The following TOX4 variants were observed in gnomAD, a reference collection of about 807,000 sequenced individuals.
TOX4 encodes the protein epidermal Langerhans cell protein LCP1.
TOX4 carries 12 observed loss-of-function variants against 61.0 expected under a neutral mutation model. The observed-to-expected ratio is 0.20, with a 90% CI of 0.13 to 0.32. The LOEUF (loss-of-function observed/expected upper bound fraction) is 0.32. Ranked by LOEUF, TOX4 falls within the 10% of genes least tolerant of loss-of-function variation. The pLI, the probability that TOX4 is intolerant of heterozygous loss-of-function variation, is 1.00. For missense variants in TOX4, 499 were observed against 753.3 expected, an observed-to-expected ratio of 0.66 and a Z score of 3.95; for synonymous variants, 268 against 274.8, an observed-to-expected ratio of 0.98 and a Z score of 0.24.
At position 21,492,900 on chromosome 14, in the gene TOX4, AGCT is replaced by A. The variant is rs111748520; in HGVS notation, c.1300_1302del (p.Ala434del). The stretch of plus-strand genomic sequence containing the variant: ...CTCGGTCAGTGTTGCAGGCAGCAGC[AGCT>A]GCTGCTGCTGCTGCTTCTATGCAAC... On this transcript the variant is annotated inframe_deletion, in exon 7 of 9. Transcript: ENST00000448790. The A allele has an allele frequency of 3.9e-5, 63 of 1,604,036 alleles. No homozygotes were observed. The highest frequency in any genetic ancestry group is 3.2e-4 in the Admixed American group (18 of 56,674).
At position 21,491,063 on chromosome 14, in the gene TOX4, G is replaced by C. The variant is rs541691997; in HGVS notation, c.811-1233G>C. ...TGGTGCCAAACTCCTGACCTCAGGT[G>C]ATCCGCCTGCCTTGTCCTCCCAACG... On this transcript the variant is annotated intron_variant, in intron 5 of 8. Transcript: ENST00000448790. Among the ~76,000 whole-genome samples, 4 of 152,380 alleles carry C rather than the reference G, an allele frequency of 2.6e-5. No homozygotes were observed. In the South Asian group the frequency reaches 8.3e-4, roughly 32 times the overall value.
chr14:21,482,630 C>T, intron 2 of TOX4: 1 of 458,530 alleles, frequency 2.2e-6, no homozygotes, highest in Non-Finnish European at 4.5e-6. Context: ...ATATCATGTT[C>T]CTGTTTTCTC....
intron 7 of TOX4, among the ~76,000 whole-genome samples, chr14:21,493,933 T>C (rs1463462972): frequency 8.6e-5 from 13 of 152,046 alleles, no homozygotes; most frequent in Admixed American, 8.5e-4. Flanking sequence ...GTATTTTTAT[T>C]AGAGACAGAG....
chr14:21,499,157 T>C lies in TOX4; in HGVS notation c.*2551T>C, dbSNP rs1188390859. The C allele has an allele frequency of 1.2e-6, 2 of 1,603,578 alleles. No homozygotes were observed. On this transcript the variant is annotated 3_prime_UTR_variant, in exon 9 of 9. Transcript: ENST00000448790. ...ACGAACCTAGGAAATAAAAACTAGC[T>C]GCTTTTTAAGTTACACAAGATTGCA...
In TOX4 at chr14:21,493,128, G is replaced by C; in HGVS notation, c.1512G>C (p.Gln504His). The change falls in exon 7 of 9, where the codon CAG becomes CAC. Residue 504 changes from glutamine to histidine, a missense_variant. Gln to His is a conservative substitution (Grantham distance 24, BLOSUM62 0). Around this residue, in one of 7 missense-constraint regions of TOX4, gnomAD observed 296 missense variants for 404.7 expected, o/e 0.73. Transcript: ENST00000448790. ...KSVPLPTLKM[Q>H]TTLVPPTVES... is the part of the protein sequence containing the mutation. ...TGCCTCTACCCACTTTGAAAATGCA[G>C]ACTACCTTAGTCCCACCAACTGTGG... The C allele has an allele frequency of 6.2e-7, 1 of 1,613,814 alleles. No individual in the cohort carries two copies. Among genetic ancestry groups the C allele is most frequent in the Non-Finnish European group, 8.5e-7 (1 of 1,180,010 alleles).
At chr14:21,480,328 A>C (rs1891086586) in intron 2 of TOX4, among the ~76,000 whole-genome samples, 1 of 152,204 alleles carries the variant, frequency 6.6e-6, no homozygotes, top group African/African-American at 2.4e-5. Context: ...CTGATAGCTA[A>C]GTTTTAGGCT....
chr14:21,477,894 T>C (rs1197855354), intron 2 of TOX4, among the ~76,000 whole-genome samples: 1 of 151,992 alleles, frequency 6.6e-6, no homozygotes, highest in African/African-American at 2.4e-5. Context: ...GGAAAGAAAA[T>C]GTTTCAGCAG....
intron 2 of TOX4, among the ~76,000 whole-genome samples, chr14:21,478,863 G>T (rs751714060): frequency 6.6e-5 from 10 of 151,424 alleles, no homozygotes; most frequent in Non-Finnish European, 1.3e-4. Context: ...GAGTGCAGTA[G>T]CACGATCTTG....
Position 21,492,696 on chromosome 14 carries a change from G to C in TOX4, c.1080G>C (p.Gly360=), listed in dbSNP as rs747199348. Residue 360 remains glycine (G), a synonymous_variant, in exon 7 of 9, where the codon GGG becomes GGC. Transcript: ENST00000448790. ...YVANQASSGA[G]GQPNITKLII... ...CAAACCAGGCATCTTCTGGAGCTGG[G>C]GGTCAGCCCAATATCACCAAGTTGA... 1 of 1,613,972 alleles carries C rather than the reference G, an allele frequency of 6.2e-7. No individual in the cohort carries two copies. Among genetic ancestry groups the C allele is most frequent in the South Asian group, 1.1e-5 (1 of 91,072 alleles).
chr14:21,496,688 T>A lies in TOX4; in HGVS notation c.*82T>A. On this transcript the variant is annotated 3_prime_UTR_variant, in exon 9 of 9. Coordinates refer to ENST00000448790, the MANE Select transcript of TOX4 (RefSeq NM_014828.4). ...CTGTTTTTGAAACACAAGCTGGGCTTCTGGTAGTGCCTCATCACAACCCAT... is the reference window on the plus strand; with the variant it reads ...CTGTTTTTGAAACACAAGCTGGGCTACTGGTAGTGCCTCATCACAACCCAT... 1 of 1,256,882 alleles carries A rather than the reference T, an allele frequency of 8.0e-7. No individual in the cohort carries two copies. The highest frequency in any genetic ancestry group is 1.2e-6 in the Non-Finnish European group (1 of 865,958). The allele number at this position is 1,256,882 out of a possible 1,614,324, so 77.9% of individuals were successfully genotyped here.
rs1397054162 is a variant in TOX4, at chr14:21,477,465, C to T, written c.7-31C>T. ...CAAGCTGACTCCCTGCTCCCCCTAA[C>T]TTATCCCCGCGACTTTCTTTTGGTT... On this transcript the variant is annotated intron_variant, in intron 1 of 8. Coordinates refer to ENST00000448790, the MANE Select transcript of TOX4 (RefSeq NM_014828.4). 138 of 1,612,970 alleles carry T rather than the reference C, an allele frequency of 8.6e-5. 1 individual carries two copies. The South Asian group carries it at 1.4e-3, about 17-fold the overall frequency.
At position 21,485,141 on chromosome 14, in the gene TOX4, C is replaced by T. The variant is rs1413107504; in HGVS notation, c.76-2310C>T. ...AAATTAGCCTGGCGTCATGGCCAGGCGTGGTGGCTCACGCCTGTGATCTCA... is the reference window on the plus strand; with the variant it reads ...AAATTAGCCTGGCGTCATGGCCAGGTGTGGTGGCTCACGCCTGTGATCTCA... On this transcript the variant is annotated intron_variant, in intron 2 of 8. Coordinates refer to ENST00000448790, the MANE Select transcript of TOX4 (RefSeq NM_014828.4). 3.8e-5 allele frequency among the ~76,000 whole-genome samples: 4 copies of T among 106,214 alleles called. 1 individual carries two copies. The highest frequency in any genetic ancestry group is 7.1e-5 in the African/African-American group (2 of 28,368). The allele number at this position is 106,214 out of a possible 152,430, so 69.7% of individuals were successfully genotyped here.
At chr14:21,495,500 T>TA (rs1158170562) in intron 8 of TOX4, 108 bp downstream of exon 8, 1 of 1,340,084 alleles carries the variant, frequency 7.5e-7, no homozygotes, top group Non-Finnish European at 1.0e-6. Flanking sequence ...TTACCTTAGG[T>TA]AGAGTAGGTT....
Position 21,498,827 on chromosome 14 carries a change from G to C in TOX4, c.*2221G>C, listed in dbSNP as rs1044662722. On this transcript the variant is annotated 3_prime_UTR_variant, in exon 9 of 9. Transcript: ENST00000448790. ...AGAAACCCTAGGGAGCAGTGCTTTTGGGTCCTAGAACCTGTTGAGTTTCTA... is the reference window on the plus strand; with the variant it reads ...AGAAACCCTAGGGAGCAGTGCTTTTCGGTCCTAGAACCTGTTGAGTTTCTA... 3.2e-5 allele frequency: 18 copies of C among 561,374 alleles called. No homozygotes were observed. The highest frequency in any genetic ancestry group is 5.4e-5 in the Non-Finnish European group (17 of 315,358). 34.8% of individuals were successfully genotyped at this position (561,374 alleles called of 1,614,324 possible).
Position 21,487,646 on chromosome 14 carries a change from G to A in TOX4, c.271G>A (p.Gly91Ser). The part of the protein sequence containing the change: ...TLDMPVGMTH[G>S]LMEQGGGLLS... ...GGACATGCCTGTGGGCATGACCCAT[G>A]GCTTGATGGAGCAGGGCGGGGGGCT... Residue 91 changes from glycine to serine, a missense_variant, in exon 3 of 9, where the codon GGC (glycine) becomes AGC (serine). Transcript: ENST00000448790. 6.2e-7 allele frequency: 1 copy of A among 1,614,142 alleles called. No homozygotes were observed. Among genetic ancestry groups the A allele is most frequent in the Non-Finnish European group, 8.5e-7 (1 of 1,180,024 alleles).
At chr14:21,496,352 CCT>C in intron 8 of TOX4, 192 bp from the exon 9 acceptor site, 1 of 500,282 alleles carries the variant, frequency 2.0e-6, no homozygotes. Flanking sequence ...ACAGTGAAAC[CCT>C]GTCCCCACTA....
intron 7 of TOX4, among the ~76,000 whole-genome samples, chr14:21,493,734 C>T (rs1228154065): frequency 7.0e-6 from 1 of 143,476 alleles, no homozygotes; most frequent in Non-Finnish European, 1.6e-5. Context: ...CCACTGCACC[C>T]GCCCTGTTTT....
chr14:21,495,605 G>T, intron 8 of TOX4: 1 of 458,124 alleles, frequency 2.2e-6, no homozygotes, highest in East Asian at 3.9e-5. Context: ...ACATTTTTCA[G>T]TTACCACATA....
intron 2 of TOX4, chr14:21,482,658 C>T: frequency 4.5e-6 from 2 of 443,620 alleles, no homozygotes; most frequent in South Asian, 3.4e-5. Context: ...GTCCAAACCA[C>T]TTCTTTTTAA....
Sources: gnomAD v4.1 joint callset for allele counts (sites outside exome capture counted in the v4.1 genomes callset) on GRCh38, gnomAD v4.1.1 for gene constraint, gnomAD v4.1.1 regional missense constraint, MANE v1.5 for transcripts, NCBI Gene and HGNC (gene_info 2026-07-23, HGNC 2026-07-21) for gene names.